Variants in TCN2 observed in about 807,000 individuals in gnomAD.
The protein encoded by TCN2 is transcobalamin-2.
TCN2 carries 34 observed loss-of-function variants against 48.6 expected under a neutral mutation model. The observed-to-expected ratio is 0.70, with a 90% CI of 0.53 to 0.93. The LOEUF is 0.93. TCN2 is among the 40% of genes least tolerant of loss of function. The probability of loss-of-function intolerance (pLI) is 0.00; values close to 1 mark genes in which losing one functional copy is unlikely to be tolerated. For synonymous variants in TCN2, 283 were observed against 212.5 expected (o/e 1.33, Z -2.89); for missense variants, 652 against 526.1 (o/e 1.24, Z -2.34).
rs1348405124 is a variant in TCN2 at position 30,615,335 on chromosome 22, T to C, written c.615T>C (p.Cys205=). ...TAAMAGLAFT[C]LKRSNFNPGR... ...CCATGGCAGGCTTGGCATTCACCTG[T>C]CTGAAGCGCTCAAACTTCAACCCTG... The change falls in exon 5 of 9, where the codon TGT becomes TGC. Residue 205 remains cysteine (C), a synonymous_variant. Transcript: ENST00000215838. The C allele has an allele frequency of 6.2e-7, 1 of 1,614,150 alleles. No individual in the cohort carries two copies. The highest frequency in any genetic ancestry group is 8.5e-7 in the Non-Finnish European group (1 of 1,180,022).
chr22:30,609,116 T>C (rs2087497661), intron 1 of TCN2, among the ~76,000 whole-genome samples: 1 of 151,788 alleles, frequency 6.6e-6, no homozygotes. Context: ...GCACAAACGC[T>C]AATGCAAAGT....
chr22:30,619,937 T>G (rs561219297), intron 7 of TCN2, among the ~76,000 whole-genome samples: 1 of 152,298 alleles, frequency 6.6e-6, no homozygotes, highest in East Asian at 1.9e-4. Flanking sequence ...GAGGATCACT[T>G]GAGCCTAGGA....
At chr22:30,619,346 C>T (rs2087663172) in intron 7 of TCN2, among the ~76,000 whole-genome samples, 1 of 152,244 alleles carries the variant, frequency 6.6e-6, no homozygotes, top group Non-Finnish European at 1.5e-5. Context: ...TCCCAAAGTG[C>T]TGAGATAACA....
Position 30,614,352 on chromosome 22 carries a change from A to G in TCN2, c.431A>G (p.His144Arg), listed in dbSNP as rs2087581381. Reference sequence around the variant, plus strand: ...CCTCTGTTTTTTTCCCTCTCAGGGCATGATCACAAGGGCCACCCCCACACT... The same window carrying G: ...CCTCTGTTTTTTTCCCTCTCAGGGCGTGATCACAAGGGCCACCCCCACACT... ...FLEDEKRAIG[H>R]DHKGHPHTSY... The change falls in exon 4 of 9, where the codon CAT (histidine) becomes CGT (arginine). Residue 144 changes from histidine to arginine, a missense_variant. Coordinates refer to ENST00000215838, the MANE Select transcript of TCN2 (RefSeq NM_000355.4). The G allele has an allele frequency of 6.2e-7, 1 of 1,614,092 alleles. No individual in the cohort carries two copies. The highest frequency in any genetic ancestry group is 8.5e-7 in the Non-Finnish European group (1 of 1,179,988).
intron 2 of TCN2, among the ~76,000 whole-genome samples, chr22:30,611,954 A>C (rs956191667): frequency 2.0e-5 from 3 of 150,042 alleles, no homozygotes; most frequent in South Asian, 2.1e-4. Flanking sequence ...AGAGAAAAGA[A>C]GACTAGGCAT....
At position 30,626,828 on chromosome 22, in the gene TCN2, C is replaced by CAAA. The variant is rs397940476; in HGVS notation, c.*311_*313dup. On this transcript the variant is annotated 3_prime_UTR_variant, in exon 9 of 9. Transcript: ENST00000215838. Reference sequence around the variant, plus strand: ...GCATGAAGCATCTCAGACTCCTTGGCAAAAAACGGAGTCCGCAGGCCGCAG... The same window carrying CAAA: ...GCATGAAGCATCTCAGACTCCTTGGCAAAAAAAAACGGAGTCCGCAGGCCGCAG... 1 of 501,444 alleles carries CAAA rather than the reference C, an allele frequency of 2.0e-6. No homozygotes were observed. 31.1% of individuals were successfully genotyped at this position (501,444 alleles called of 1,614,324 possible).
intron 3 of TCN2, 34 bp from the exon 4 acceptor site, chr22:30,614,315 A>C: frequency 6.2e-7 from 1 of 1,608,008 alleles, no homozygotes; most frequent in Non-Finnish European, 8.5e-7. Flanking sequence ...GGGTGGGGGC[A>C]GAGAGGCAAC....
intron 7 of TCN2, among the ~76,000 whole-genome samples, chr22:30,619,316 G>C (rs2087662676): frequency 6.6e-6 from 1 of 152,204 alleles, no homozygotes; most frequent in African/African-American, 2.4e-5. Context: ...CTGGACTCAA[G>C]CGATCTACCC....
rs187924928 is a variant in TCN2, at chr22:30,613,059, C to A, written c.427+17C>A. ...GAGCCATTGGTGAGCAGACACCATC[C>A]GCTGGGGGTGGGGAGCAGCTGGGAG... is the stretch of plus-strand genomic sequence containing the variant. On this transcript the variant is annotated intron_variant, in intron 3 of 8. Transcript: ENST00000215838. 1 of 1,613,190 alleles carries A rather than the reference C, an allele frequency of 6.2e-7. No individual in the cohort carries two copies. Among genetic ancestry groups the A allele is most frequent in the African/African-American group, 1.3e-5 (1 of 74,844 alleles).
Position 30,626,972 on chromosome 22 carries a change from G to T in TCN2, c.*451G>T, listed in dbSNP as rs1421604246. 3 of 263,512 alleles carry T rather than the reference G, an allele frequency of 1.1e-5. No homozygotes were observed. The highest frequency in any genetic ancestry group is 4.7e-5 in the Admixed American group (1 of 21,166). The allele number at this position is 263,512 out of a possible 1,614,324, so 16.3% of individuals were successfully genotyped here. A position where few individuals can be genotyped will look rare whatever the true frequency, so the allele number is the denominator to read the frequency against. ...CTGTTAGAGTGGCAGCTCCGAGCTG[G>T]TTGTGGCACAGTAGCTGGGGAGACC... On this transcript the variant is annotated 3_prime_UTR_variant, in exon 9 of 9. Transcript: ENST00000215838.
intron 6 of TCN2, among the ~76,000 whole-genome samples, chr22:30,616,814 A>G (rs1302174992): frequency 1.3e-5 from 2 of 152,156 alleles, no homozygotes; most frequent in Non-Finnish European, 2.9e-5. Context: ...AAAAAACAAG[A>G]ATGGATAGAG....
At chr22:30,621,853 C>T (rs906581579) in intron 7 of TCN2, among the ~76,000 whole-genome samples, 1 of 152,158 alleles carries the variant, frequency 6.6e-6, no homozygotes, top group African/African-American at 2.4e-5. Flanking sequence ...CTCTCTGCCT[C>T]CTCTCAGCTC....
At chr22:30,613,679 C>T (rs1342611880) in intron 3 of TCN2, among the ~76,000 whole-genome samples, 1 of 152,204 alleles carries the variant, frequency 6.6e-6, no homozygotes. Context: ...TAGTCTGTCT[C>T]TACTAGCTCT....
intron 1 of TCN2, among the ~76,000 whole-genome samples, chr22:30,608,997 G>C (rs745764892): frequency 6.6e-6 from 1 of 151,970 alleles, no homozygotes; most frequent in Non-Finnish European, 1.5e-5. Context: ...AGTGGGCTAA[G>C]AATGCTCCCC....
chr22:30,620,807 ATGTT>A (rs1256466374), intron 7 of TCN2, among the ~76,000 whole-genome samples: 1 of 152,188 alleles, frequency 6.6e-6, no homozygotes, highest in Non-Finnish European at 1.5e-5. Flanking sequence ...CATGAAGACT[ATGTT>A]TGAGGCCCCT....
Position 30,619,420 on chromosome 22 carries a change from C to T in TCN2, c.1106+1925C>T, listed in dbSNP as rs117426295. The stretch of plus-strand genomic sequence containing the variant: ...ATTATGAAATAAGTTTGGCCCTATC[C>T]TGTTATTAATTACCTCAAAGAGGTT... On this transcript the variant is annotated intron_variant, in intron 7 of 8. Coordinates refer to ENST00000215838, the MANE Select transcript of TCN2 (RefSeq NM_000355.4). Among the ~76,000 whole-genome samples the T allele has an allele frequency of 1.7e-4, 26 of 152,312 alleles. No individual in the cohort carries two copies. The East Asian group carries it at 4.8e-3, about 28-fold the overall frequency.
rs2087819873 is a variant in TCN2 at position 30,626,929 on chromosome 22, C to A, written c.*408C>A. On this transcript the variant is annotated 3_prime_UTR_variant, in exon 9 of 9. Coordinates refer to ENST00000215838, the MANE Select transcript of TCN2 (RefSeq NM_000355.4). Reference sequence around the variant, plus strand: ...CTCAGCCCGGGGGCTATGGCCCTGACCCCAGCTCTCCACTCTGCTGTTAGA... The same window carrying A: ...CTCAGCCCGGGGGCTATGGCCCTGAACCCAGCTCTCCACTCTGCTGTTAGA... The A allele has an allele frequency of 3.2e-6, 1 of 313,082 alleles. No individual in the cohort carries two copies. Among genetic ancestry groups the A allele is most frequent in the African/African-American group, 2.1e-5 (1 of 46,918 alleles). 19.4% of individuals were successfully genotyped at this position (313,082 alleles called of 1,614,324 possible). A position where few individuals can be genotyped will look rare whatever the true frequency, so the allele number is the denominator to read the frequency against.
At chr22:30,609,495 T>C (rs926939193) in intron 1 of TCN2, among the ~76,000 whole-genome samples, 4 of 152,088 alleles carry the variant, frequency 2.6e-5, no homozygotes, top group African/African-American at 4.8e-5. Flanking sequence ...TCTAACCCTG[T>C]GCTGACTCAT....
chr22:30,615,180 C>T, intron 4 of TCN2, 121 bp from the exon 5 acceptor site: 2 of 1,025,494 alleles, frequency 2.0e-6, no homozygotes, highest in East Asian at 2.5e-5. Flanking sequence ...GACCATGTTG[C>T]CCTTCTTCTC....
Sources: allele counts gnomAD v4.1 joint callset (sites outside exome capture counted in the v4.1 genomes callset), GRCh38; gene constraint gnomAD v4.1.1; transcripts MANE v1.5; gene names NCBI Gene and HGNC (gene_info 2026-07-23, HGNC 2026-07-21).